Variants in CRTC1 observed in about 807,000 individuals in gnomAD.
CRTC1 encodes the protein CREB regulated transcription coactivator 1, also known as CREB-regulated transcription coactivator 1.
Under a neutral mutation model 66.1 loss-of-function variants are expected in CRTC1, and 18 were observed. The ratio of observed to expected loss-of-function variants is 0.27; its 90% CI spans 0.19 to 0.40. The LOEUF is 0.40. Ranked by LOEUF, CRTC1 falls within the 10% of genes least tolerant of loss-of-function variation. CRTC1 has a pLI of 1.00. For missense variants in CRTC1, 669 were observed against 887.9 expected (o/e 0.75, Z 3.13); for synonymous variants, 416 against 398.8 (o/e 1.04, Z -0.51).
chr19:18,695,830 G>A (rs999755054), intron 1 of CRTC1, among the ~76,000 whole-genome samples: 4 of 152,008 alleles, frequency 2.6e-5, no homozygotes, highest in African/African-American at 7.3e-5. Flanking sequence ...GCGTCACTGC[G>A]CTCCAGCCTG....
At chr19:18,693,750 G>A (rs1452502556) in intron 1 of CRTC1, among the ~76,000 whole-genome samples, 3 of 151,850 alleles carry the variant, frequency 2.0e-5, no homozygotes, top group Non-Finnish European at 4.4e-5. Flanking sequence ...AAAGTGCTGG[G>A]ATTACAGGCG....
intron 1 of CRTC1, among the ~76,000 whole-genome samples, chr19:18,737,233 C>T (rs1333766884): frequency 7.5e-6 from 1 of 132,876 alleles, no homozygotes; most frequent in African/African-American, 2.9e-5. Flanking sequence ...GCCACCTTTA[C>T]GAAGGGCTCT....
intron 1 of CRTC1, among the ~76,000 whole-genome samples, chr19:18,703,322 C>T (rs1003823331): frequency 2.2e-4 from 33 of 152,036 alleles, no homozygotes; most frequent in Admixed American, 1.2e-3. Context: ...CGTGAGCCAC[C>T]GCTCCTGGCC....
At chr19:18,770,180 A>G (rs1278228112) in intron 10 of CRTC1, among the ~76,000 whole-genome samples, 1 of 152,176 alleles carries the variant, frequency 6.6e-6, no homozygotes, top group Non-Finnish European at 1.5e-5. Flanking sequence ...GGCACACAGC[A>G]TGGCTGGGCC....
At chr19:18,704,222 T>A (rs1306456136) in intron 1 of CRTC1, among the ~76,000 whole-genome samples, 1 of 152,186 alleles carries the variant, frequency 6.6e-6, no homozygotes, top group South Asian at 2.1e-4. Flanking sequence ...AAGCAATCTT[T>A]CCACCTCAGC....
At position 18,777,399 on chromosome 19, in the gene CRTC1, C is replaced by A; in HGVS notation, c.*17C>A. On this transcript the variant is annotated 3_prime_UTR_variant, in exon 14 of 14. Transcript: ENST00000321949. The surrounding 1 kb of genome is among the most constrained non-coding windows in gnomAD (Gnocchi z 5.5). ...CGCCTGTGAGCGGGCACGCCGGCACCCTGCCGCTCAGCCGTCCCGACGGCG... is the reference window on the plus strand; with the variant it reads ...CGCCTGTGAGCGGGCACGCCGGCACACTGCCGCTCAGCCGTCCCGACGGCG... The A allele has an allele frequency of 1.9e-6, 3 of 1,598,306 alleles. No individual in the cohort carries two copies. The highest frequency in any genetic ancestry group is 2.5e-6 in the Non-Finnish European group (3 of 1,177,974).
chr19:18,739,952 A>G (rs545731235), intron 1 of CRTC1, among the ~76,000 whole-genome samples: 1 of 152,166 alleles, frequency 6.6e-6, no homozygotes, highest in Non-Finnish European at 1.5e-5. Flanking sequence ...GAAAGGACAC[A>G]TTAAAATTAC....
At chr19:18,743,807 G>A (rs908462535) in intron 2 of CRTC1, among the ~76,000 whole-genome samples, 1 of 152,226 alleles carries the variant, frequency 6.6e-6, no homozygotes, top group Non-Finnish European at 1.5e-5. Context: ...CGCCTCCTCC[G>A]GCATACAGAG....
intron 1 of CRTC1, among the ~76,000 whole-genome samples, chr19:18,700,980 C>T (rs1450171884): frequency 2.6e-5 from 4 of 152,252 alleles, no homozygotes; most frequent in South Asian, 4.1e-4. Flanking sequence ...CCCAGGCAGG[C>T]GAGATTGGTG....
chr19:18,753,717 C>A, intron 6 of CRTC1, 132 bp downstream of exon 6: 1 of 641,286 alleles, frequency 1.6e-6, no homozygotes. Context: ...TCCGATTTTT[C>A]CATCTTCAAA....
At position 18,775,680 on chromosome 19, in the gene CRTC1, A is replaced by G; in HGVS notation, c.1552A>G (p.Ser518Gly). 6.2e-7 allele frequency: 1 copy of G among 1,609,398 alleles called. No homozygotes were observed. Among genetic ancestry groups the G allele is most frequent in the South Asian group, 1.1e-5 (1 of 90,698 alleles). The change falls in exon 13 of 14, where the codon AGC becomes GGC. Residue 518 changes from serine to glycine, a missense_variant. Coordinates refer to ENST00000321949, the MANE Select transcript of CRTC1 (RefSeq NM_015321.3). ...CATGATGGAGAACGCCATCAGCTCC[A>G]GCAGCCTGTACAGCCCGGGCTCCAC... ...FNMMENAISS[S>G]SLYSPGSTLN...
chr19:18,752,813 T>G (rs999294740), intron 5 of CRTC1, among the ~76,000 whole-genome samples: 1 of 151,874 alleles, frequency 6.6e-6, no homozygotes, highest in African/African-American at 2.4e-5. Context: ...AATTTTTGTA[T>G]TTTTAGTAGA....
chr19:18,763,219 A>G (rs1043582237), intron 8 of CRTC1, among the ~76,000 whole-genome samples: 6 of 151,622 alleles, frequency 4.0e-5, no homozygotes, highest in African/African-American at 1.2e-4. Flanking sequence ...TCCTACGTCA[A>G]CCTCCCGAGT....
In CRTC1 at chr19:18,714,035, C is replaced by T. The variant is rs550372141; in HGVS notation, c.127-28875C>T. Among the ~76,000 whole-genome samples, 34 of 152,288 alleles carry T rather than the reference C, an allele frequency of 2.2e-4. No homozygotes were observed. In the East Asian group the frequency reaches 2.7e-3, roughly 12 times the overall value. On this transcript the variant is annotated intron_variant, in intron 1 of 13. Coordinates refer to ENST00000321949, the MANE Select transcript of CRTC1 (RefSeq NM_015321.3). The stretch of plus-strand genomic sequence containing the variant: ...ACCTCTCCTGGCACCCTAGCGTGCC[C>T]GGAAGCAGCAGGGTGGGAGGGCACA...
At chr19:18,699,688 G>A (rs571114422) in intron 1 of CRTC1, among the ~76,000 whole-genome samples, 1 of 152,360 alleles carries the variant, frequency 6.6e-6, no homozygotes, top group Admixed American at 6.5e-5. Context: ...TGAGGTTGCG[G>A]CTCTGAGCCA....
At chr19:18,747,719 T>C (rs2054277566) in intron 4 of CRTC1, among the ~76,000 whole-genome samples, 2 of 152,122 alleles carry the variant, frequency 1.3e-5, no homozygotes, top group South Asian at 4.1e-4. Flanking sequence ...CAGGTACCCA[T>C]GTTACTCAAC....
intron 12 of CRTC1, among the ~76,000 whole-genome samples, 189 bp downstream of exon 12, chr19:18,775,175 G>A (rs1441634757): frequency 6.6e-6 from 1 of 152,262 alleles, no homozygotes; most frequent in African/African-American, 2.4e-5. Context: ...CCCCGGCAGG[G>A]GTGGCCTAGC....
At chr19:18,715,743 G>A (rs148731187) in intron 1 of CRTC1, among the ~76,000 whole-genome samples, 34 of 152,356 alleles carry the variant, frequency 2.2e-4, no homozygotes, top group African/African-American at 7.9e-4. Context: ...ACCAAGTGCT[G>A]TTTGCACGTG....
At chr19:18,755,270 C>CT (rs370024243) in intron 6 of CRTC1, among the ~76,000 whole-genome samples, 2 of 151,660 alleles carry the variant, frequency 1.3e-5, no homozygotes, top group African/African-American at 4.8e-5. Flanking sequence ...ATGACAGGCT[C>CT]TTTTTTTTAG....
Sources: allele counts gnomAD v4.1 joint callset (sites outside exome capture counted in the v4.1 genomes callset), GRCh38; gene constraint gnomAD v4.1.1; non-coding constraint Gnocchi (gnomAD v3.1); transcripts MANE v1.5; gene names NCBI Gene and HGNC (gene_info 2026-07-23, HGNC 2026-07-21).